The following DPP10 variants were observed in gnomAD, a reference collection of about 807,000 sequenced individuals.
DPP10 encodes the protein dipeptidyl peptidase like 10, also known as inactive dipeptidyl peptidase 10.
A neutral mutation model predicts 120.9 loss-of-function variants in DPP10; 33 were observed. The observed-to-expected ratio is 0.27, with a 90% CI of 0.21 to 0.37. DPP10 has a LOEUF of 0.37. Among genes scored for constraint, DPP10 ranks in the 10% least tolerant of loss-of-function variants. DPP10 has a pLI of 1.00. For synonymous variants in DPP10, 337 were observed against 326.1 expected (o/e 1.03, Z -0.36); for missense variants, 816 against 942.8 (o/e 0.87, Z 1.76).
At chr2:115,805,139 C>A (rs1356206430) in intron 19 of DPP10, among the ~76,000 whole-genome samples, 6 of 152,124 alleles carry the variant, frequency 3.9e-5, no homozygotes, top group Non-Finnish European at 5.9e-5. Flanking sequence ...GGCAGGCGCC[C>A]CTCCCCCAGC....
At chr2:115,702,965 C>T (rs1418767915) in intron 7 of DPP10, among the ~76,000 whole-genome samples, 2 of 151,874 alleles carry the variant, frequency 1.3e-5, no homozygotes, top group Admixed American at 1.3e-4. Flanking sequence ...TCTTTTTAAA[C>T]AAATGTAGCC....
chr2:115,260,868 G>T (rs1263165780), intron 1 of DPP10, among the ~76,000 whole-genome samples: 1 of 152,104 alleles, frequency 6.6e-6, no homozygotes, highest in Admixed American at 6.5e-5. Flanking sequence ...CATTCAATTT[G>T]GAAATTAAAA....
At chr2:114,769,786 T>C (rs1189920291) in intron 1 of DPP10, among the ~76,000 whole-genome samples, 7 of 152,076 alleles carry the variant, frequency 4.6e-5, no homozygotes, top group South Asian at 2.1e-4. Flanking sequence ...CATACACACA[T>C]ACACAGGGAG....
chr2:115,723,597 TTTGTTG>T (rs1047041857), intron 7 of DPP10, among the ~76,000 whole-genome samples: 1 of 145,368 alleles, frequency 6.9e-6, no homozygotes, highest in African/African-American at 2.6e-5. Flanking sequence ...GTTGGTGTAT[TTTGTTG>T]TTGTTGTTGT....
chr2:114,947,519 G>A (rs111280596), intron 1 of DPP10, among the ~76,000 whole-genome samples: 1 of 151,524 alleles, frequency 6.6e-6, no homozygotes, highest in African/African-American at 2.4e-5. Flanking sequence ...AATAAGTTCC[G>A]TCATATTGGT....
chr2:114,698,569 T>C (rs1700199875), intron 1 of DPP10, among the ~76,000 whole-genome samples: 1 of 152,106 alleles, frequency 6.6e-6, no homozygotes, highest in Admixed American at 6.6e-5. Context: ...TTCTTGTTGA[T>C]ACCCAGAACA....
chr2:115,279,649 C>CTTTTTTTTTTTTTTTTTTTTTTTTTTT (rs2060068274), intron 1 of DPP10, among the ~76,000 whole-genome samples: 1 of 50,034 alleles, frequency 2.0e-5, no homozygotes, highest in African/African-American at 7.2e-5. Context: ...TTCTTTTTTT[C>CTTTTTTTTTTTTTTTTTTTTTTTTTTT]TTCTTCTTTT....
chr2:115,462,059 TCAA>T (rs1448734285), intron 3 of DPP10, among the ~76,000 whole-genome samples: 1 of 152,166 alleles, frequency 6.6e-6, no homozygotes, highest in Non-Finnish European at 1.5e-5. Flanking sequence ...AATTGGGATT[TCAA>T]CAATCCAAAG....
At chr2:115,777,185 C>A in intron 13 of DPP10, 23 bp from the exon 14 acceptor site, 1 of 1,605,126 alleles carries the variant, frequency 6.2e-7, no homozygotes, top group South Asian at 1.1e-5. Flanking sequence ...AAAGGAAAAT[C>A]AATATTTTCT....
chr2:115,693,426 C>A (rs1161012601), intron 7 of DPP10, among the ~76,000 whole-genome samples: 1 of 151,962 alleles, frequency 6.6e-6, no homozygotes, highest in Non-Finnish European at 1.5e-5. Flanking sequence ...TTGGAACAAA[C>A]CAAATTCCAG....
chr2:114,779,964 A>G (rs539400065), intron 1 of DPP10, among the ~76,000 whole-genome samples: 115 of 152,064 alleles, frequency 7.6e-4, no homozygotes, highest in East Asian at 6.2e-3. Flanking sequence ...GTGAAACCCC[A>G]TCTCTACTAA....
intron 1 of DPP10, among the ~76,000 whole-genome samples, chr2:114,576,873 G>GT (rs34544318): frequency 0.2 from 29,098 of 148,742 alleles, 2,959 homozygotes; most frequent in African/African-American, 0.26. Context: ...TGGGAAGAGT[G>GT]TTTTTTTTTT....
At chr2:115,480,843 G>C (rs1206554856) in intron 3 of DPP10, among the ~76,000 whole-genome samples, 1 of 152,132 alleles carries the variant, frequency 6.6e-6, no homozygotes, top group Admixed American at 6.6e-5. Flanking sequence ...AGAGACATCT[G>C]TTCTCTCTGA....
intron 1 of DPP10, among the ~76,000 whole-genome samples, chr2:115,248,122 G>A (rs1038998200): frequency 1.3e-5 from 2 of 152,172 alleles, no homozygotes; most frequent in African/African-American, 4.8e-5. Flanking sequence ...AGGAATTTCT[G>A]TATAATCTCA....
chr2:115,183,265 G>A (rs970109694), intron 1 of DPP10, among the ~76,000 whole-genome samples: 3 of 151,852 alleles, frequency 2.0e-5, no homozygotes, highest in African/African-American at 4.8e-5. Flanking sequence ...TTTTATTCAC[G>A]GTATAAATTT....
intron 1 of DPP10, among the ~76,000 whole-genome samples, chr2:114,934,616 CTGTG>C (rs1249207209): frequency 6.6e-6 from 1 of 151,852 alleles, no homozygotes; most frequent in Admixed American, 6.6e-5. Context: ...TGGGTCAACT[CTGTG>C]TGCGTGTGTG....
intron 1 of DPP10, among the ~76,000 whole-genome samples, chr2:114,577,177 A>G (rs1415792525): frequency 6.6e-6 from 1 of 152,200 alleles, no homozygotes. Context: ...TTAGGAAAAA[A>G]TGTGGATGGT....
intron 1 of DPP10, among the ~76,000 whole-genome samples, chr2:115,215,044 G>C (rs567560136): frequency 6.6e-6 from 1 of 152,234 alleles, no homozygotes; most frequent in East Asian, 1.9e-4. Context: ...CAATAGGTTT[G>C]GTTTTTTAAA....
At chr2:115,353,599 A>G (rs2064175224) in intron 3 of DPP10, among the ~76,000 whole-genome samples, 1 of 152,106 alleles carries the variant, frequency 6.6e-6, no homozygotes, top group Non-Finnish European at 1.5e-5. Flanking sequence ...ATAGGAATTT[A>G]CCTAATACGT....
Sources: allele counts gnomAD v4.1 joint callset (sites outside exome capture counted in the v4.1 genomes callset), GRCh38; gene constraint gnomAD v4.1.1; transcripts MANE v1.5; gene names NCBI Gene and HGNC (gene_info 2026-07-23, HGNC 2026-07-21).